Variants in EXOC4 observed in about 807,000 individuals in gnomAD.
EXOC4 encodes the protein SEC8-like 1.
A neutral mutation model predicts 107.2 loss-of-function variants in EXOC4; 71 were observed. The ratio of observed to expected loss-of-function variants is 0.66; its 90% CI spans 0.55 to 0.81. The LOEUF (loss-of-function observed/expected upper bound fraction) is 0.81. EXOC4 is among the 30% of genes least tolerant of loss of function. The pLI is 0.00. For synonymous variants in EXOC4, 456 were observed against 441.2 expected (o/e 1.03, Z -0.42); for missense variants, 1,108 against 1,189.6 (o/e 0.93, Z 1.01).
intron 6 of EXOC4, among the ~76,000 whole-genome samples, chr7:133,363,966 C>A (rs1006595177): frequency 2.0e-5 from 3 of 152,066 alleles, no homozygotes; most frequent in Non-Finnish European, 4.4e-5. Context: ...GATTAAAGCA[C>A]CTTCATGTGT....
chr7:133,412,709 T>C (rs1024878514), intron 7 of EXOC4, among the ~76,000 whole-genome samples: 1 of 152,050 alleles, frequency 6.6e-6, no homozygotes, highest in African/African-American at 2.4e-5. Flanking sequence ...GCCTAATTCA[T>C]GTGACACCAT....
intron 10 of EXOC4, among the ~76,000 whole-genome samples, chr7:133,701,801 A>G (rs967464901): frequency 6.6e-6 from 1 of 152,130 alleles, no homozygotes; most frequent in Non-Finnish European, 1.5e-5. Context: ...TTTCATATAC[A>G]CCATATACAC....
chr7:133,563,664 A>G (rs1800852039), intron 9 of EXOC4, among the ~76,000 whole-genome samples: 1 of 152,200 alleles, frequency 6.6e-6, no homozygotes, highest in Non-Finnish European at 1.5e-5. Flanking sequence ...TTCTCTTTTC[A>G]TTGAAATGGA....
chr7:133,382,548 A>C (rs1796641075), intron 7 of EXOC4, among the ~76,000 whole-genome samples: 1 of 152,126 alleles, frequency 6.6e-6, no homozygotes, highest in African/African-American at 2.4e-5. Context: ...TTGTTGGAGG[A>C]GTGTTCTTTA....
chr7:133,959,177 A>G (rs1409979335), intron 14 of EXOC4, among the ~76,000 whole-genome samples: 1 of 152,228 alleles, frequency 6.6e-6, no homozygotes, highest in African/African-American at 2.4e-5. Flanking sequence ...AAGAAGAGTA[A>G]TGTTTGAGGA....
Position 133,639,799 on chromosome 7 carries a change from G to A in EXOC4, c.1514+9658G>A, listed in dbSNP as rs145859204. On this transcript the variant is annotated intron_variant, in intron 10 of 17. Transcript: ENST00000253861. The stretch of plus-strand genomic sequence containing the variant: ...TGAAAGAATAGTAATTTTGACAATT[G>A]CTATTTTTAAACTCGATGAGCATTC... Among the ~76,000 whole-genome samples the A allele has an allele frequency of 2.3e-3, 345 of 152,016 alleles. 1 individual carries two copies. Among genetic ancestry groups the A allele is most frequent in the African/African-American group, 8.0e-3 (334 of 41,502 alleles).
chr7:133,337,021 C>T lies in EXOC4; in HGVS notation c.764-19309C>T, dbSNP rs143590792. Among the ~76,000 whole-genome samples the T allele has an allele frequency of 6.2e-4, 94 of 152,198 alleles. 2 individuals are homozygous for T. In the East Asian group the frequency reaches 0.017, roughly 28 times the overall value. Reference sequence around the variant, plus strand: ...GTGTTGGGATTACAGGTGTGAGCCACCACTCCTGGCCATGTTTTATTTTTA... The same window carrying T: ...GTGTTGGGATTACAGGTGTGAGCCATCACTCCTGGCCATGTTTTATTTTTA... On this transcript the variant is annotated intron_variant, in intron 5 of 17. Coordinates refer to ENST00000253861, the MANE Select transcript of EXOC4 (RefSeq NM_021807.4).
chr7:133,912,091 C>T (rs1799708132), intron 12 of EXOC4, among the ~76,000 whole-genome samples: 1 of 152,216 alleles, frequency 6.6e-6, no homozygotes, highest in Non-Finnish European at 1.5e-5. Context: ...TGTTAGCTTA[C>T]AGGACATACA....
At chr7:133,943,719 A>G (rs1203600982) in intron 14 of EXOC4, among the ~76,000 whole-genome samples, 2 of 152,178 alleles carry the variant, frequency 1.3e-5, no homozygotes, top group Non-Finnish European at 2.9e-5. Context: ...TTTGCATACC[A>G]TCAGATGACT....
rs78743078 is a variant in EXOC4 at position 134,020,373 on chromosome 7, A to G, written c.2687+12538A>G. ...CCTGACCTCGTTTTCTTTGAGATTC[A>G]TGCAATATCCAGGCCATCGTCTTTC... is the stretch of plus-strand genomic sequence containing the variant. On this transcript the variant is annotated intron_variant, in intron 17 of 17. Coordinates refer to ENST00000253861, the MANE Select transcript of EXOC4 (RefSeq NM_021807.4). 9.9e-3 allele frequency among the ~76,000 whole-genome samples: 1,511 copies of G among 152,294 alleles called. 23 individuals are homozygous for G. Among genetic ancestry groups the G allele is most frequent in the African/African-American group, 0.034 (1,399 of 41,556 alleles).
rs869078453 is a variant in EXOC4 at position 133,661,689 on chromosome 7, C to CA, written c.1514+31562dup. Among the ~76,000 whole-genome samples the CA allele has an allele frequency of 2.1e-4, 5 of 23,674 alleles. 1 individual carries two copies. The highest frequency in any genetic ancestry group is 1.8e-3 in the South Asian group (1 of 566). The allele number at this position is 23,674 out of a possible 152,430, so 15.5% of individuals were successfully genotyped here. On this transcript the variant is annotated intron_variant, in intron 10 of 17. Coordinates refer to ENST00000253861, the MANE Select transcript of EXOC4 (RefSeq NM_021807.4). ...CTTAAAACTAAAAAAAAAAAAAAAACAAAAAAAAAAAAAACAAGAATTTTG... is the reference window on the plus strand; with the variant it reads ...CTTAAAACTAAAAAAAAAAAAAAAACAAAAAAAAAAAAAAACAAGAATTTTG...
chr7:133,597,809 G>C (rs751153826), intron 9 of EXOC4, among the ~76,000 whole-genome samples: 1 of 151,828 alleles, frequency 6.6e-6, no homozygotes, highest in East Asian at 2.0e-4. Flanking sequence ...CCAGGAGTTC[G>C]AGATCAGTCT....
intron 4 of EXOC4, among the ~76,000 whole-genome samples, chr7:133,308,939 G>A (rs962631972): frequency 6.6e-6 from 1 of 152,188 alleles, no homozygotes; most frequent in African/African-American, 2.4e-5. Context: ...TAGCTAGAGG[G>A]TGTTTAGTGG....
chr7:133,855,120 T>A (rs1419412968), intron 11 of EXOC4, among the ~76,000 whole-genome samples: 1 of 85,182 alleles, frequency 1.2e-5, no homozygotes, highest in Non-Finnish European at 2.3e-5. Context: ...TATAAATATA[T>A]ATATATAAAT....
intron 11 of EXOC4, among the ~76,000 whole-genome samples, chr7:133,841,116 C>T (rs2151248964): frequency 6.6e-6 from 1 of 152,256 alleles, no homozygotes; most frequent in East Asian, 1.9e-4. Context: ...TATTCTCATT[C>T]ATAGTTGGCT....
At chr7:133,679,662 C>T (rs1794145632) in intron 10 of EXOC4, among the ~76,000 whole-genome samples, 3 of 152,164 alleles carry the variant, frequency 2.0e-5, no homozygotes, top group Admixed American at 2.0e-4. Flanking sequence ...ACCTTTTCCT[C>T]ATAAAGTGGT....
At chr7:133,929,800 A>C (rs181505259) in intron 13 of EXOC4, among the ~76,000 whole-genome samples, 32 of 152,106 alleles carry the variant, frequency 2.1e-4, no homozygotes, top group Admixed American at 2.0e-3. Context: ...GCCCCTGCCA[A>C]GGTTCACATC....
intron 10 of EXOC4, among the ~76,000 whole-genome samples, chr7:133,711,910 T>C (rs1794900563): frequency 6.6e-6 from 1 of 152,200 alleles, no homozygotes; most frequent in Non-Finnish European, 1.5e-5. Context: ...ATTTTTCTCT[T>C]TGACTATCAA....
chr7:133,799,981 T>A (rs1017362983), intron 10 of EXOC4, among the ~76,000 whole-genome samples: 28 of 152,230 alleles, frequency 1.8e-4, no homozygotes, highest in African/African-American at 6.7e-4. Flanking sequence ...TAGCTGTAGC[T>A]TTATAGAAGG....
Sources: gnomAD v4.1 joint callset for allele counts (sites outside exome capture counted in the v4.1 genomes callset) on GRCh38, gnomAD v4.1.1 for gene constraint, MANE v1.5 for transcripts, NCBI Gene and HGNC (gene_info 2026-07-23, HGNC 2026-07-21) for gene names.